Variants in NPY observed in about 807,000 individuals in gnomAD.
NPY encodes the protein pro-neuropeptide Y.
Under a neutral mutation model 13.2 loss-of-function variants are expected in NPY, and 11 were observed. The ratio of observed to expected loss-of-function variants is 0.83; its 90% CI spans 0.52 to 1.38. The LOEUF (loss-of-function observed/expected upper bound fraction) is 1.38, where lower values mean the gene tolerates loss of function less well. Ranked by LOEUF, NPY falls within the 40% of genes most tolerant of loss-of-function variation. NPY has a pLI of 0.00. For synonymous variants in NPY, 51 were observed against 55.6 expected (o/e 0.92, Z 0.37); for missense variants, 109 against 125.1 (o/e 0.87, Z 0.61).
At chr7:24,290,636 G>T (rs144944553) in intron 3 of NPY, among the ~76,000 whole-genome samples, 42 of 151,970 alleles carry the variant, frequency 2.8e-4, no homozygotes, top group African/African-American at 1.0e-3. Context: ...TCTCTAAAGG[G>T]AACAACGATT....
chr7:24,289,520 A>G lies in NPY; in HGVS notation c.210A>G (p.Pro70=). Residue 70 remains proline (P), a synonymous_variant, in exon 3 of 4, where the codon CCA becomes CCG. Transcript: ENST00000242152. The stretch of plus-strand genomic sequence containing the variant: ...CCAGATATGGAAAACGATCCAGCCC[A>G]GAGACACTGATTTCAGACCTCTTGA... ...TRQRYGKRSS[P]ETLISDLLMR... is the part of the protein sequence containing the mutation. 1.2e-6 allele frequency: 2 copies of G among 1,610,184 alleles called. No individual in the cohort carries two copies. The highest frequency in any genetic ancestry group is 1.7e-6 in the Non-Finnish European group (2 of 1,178,064).
At chr7:24,286,710 T>C (rs1787396051) in intron 2 of NPY, among the ~76,000 whole-genome samples, 1 of 152,214 alleles carries the variant, frequency 6.6e-6, no homozygotes, top group South Asian at 2.1e-4. Flanking sequence ...TGTGATCCCT[T>C]GAAATCTGAT....
In NPY at chr7:24,285,449, G is replaced by A. The variant is rs774193967; in HGVS notation, c.188+21G>A. On this transcript the variant is annotated intron_variant, in intron 2 of 3. Coordinates refer to ENST00000242152, the MANE Select transcript of NPY (RefSeq NM_000905.4). The surrounding 1 kb of genome is among the most constrained non-coding windows in gnomAD (Gnocchi z 4.9). ...CAGAGGTGGGTGGGACCGCGGGACC[G>A]ATTCCGGGAGCGCCAGTGCCTGCAC... 2 of 1,602,828 alleles carry A rather than the reference G, an allele frequency of 1.2e-6. No individual in the cohort carries two copies. Among genetic ancestry groups the A allele is most frequent in the South Asian group, 1.1e-5 (1 of 90,288 alleles).
At chr7:24,288,673 A>G (rs1166065372) in intron 2 of NPY, among the ~76,000 whole-genome samples, 5 of 139,252 alleles carry the variant, frequency 3.6e-5, no homozygotes, top group Non-Finnish European at 7.6e-5. Context: ...TCTCACCCAT[A>G]TCCTGCTACA....
intron 3 of NPY, among the ~76,000 whole-genome samples, chr7:24,290,775 A>AATTATTATT (rs10693219): frequency 0.068 from 8,773 of 129,530 alleles, 364 homozygotes; most frequent in South Asian, 0.081. Context: ...TAATAATAAT[A>AATTATTATT]ATTATTATTA....
In NPY at chr7:24,285,054, G is replaced by A. The variant is rs2128231747; in HGVS notation, c.1-187G>A. The A allele has an allele frequency of 1.6e-6, 1 of 629,652 alleles. No homozygotes were observed. The highest frequency in any genetic ancestry group is 2.8e-6 in the Non-Finnish European group (1 of 361,132). 39.0% of individuals were successfully genotyped at this position (629,652 alleles called of 1,614,324 possible). ...TGGAGCAGAGGGGCAGGTCCCGACC[G>A]GACGGCGCCCGGAGCCCGCAAGGTG... On this transcript the variant is annotated intron_variant, in intron 1 of 3. Coordinates refer to ENST00000242152, the MANE Select transcript of NPY (RefSeq NM_000905.4). The surrounding 1 kb of genome is among the most constrained non-coding windows in gnomAD (Gnocchi z 4.9).
At chr7:24,290,190 G>A (rs1434862877) in intron 3 of NPY, among the ~76,000 whole-genome samples, 1 of 152,140 alleles carries the variant, frequency 6.6e-6, no homozygotes, top group Non-Finnish European at 1.5e-5. Context: ...TGCAGTTTGG[G>A]TCTGTCTTGG....
At chr7:24,289,332 GATA>G (rs1011804876) in intron 2 of NPY, among the ~76,000 whole-genome samples, 164 bp from the exon 3 acceptor site, 5 of 152,134 alleles carry the variant, frequency 3.3e-5, no homozygotes, top group Non-Finnish European at 4.4e-5. Flanking sequence ...TAATATTTAT[GATA>G]ATGTTTCGAT....
intron 2 of NPY, among the ~76,000 whole-genome samples, chr7:24,288,106 T>A (rs1787458165): frequency 6.6e-6 from 1 of 152,248 alleles, no homozygotes; most frequent in Non-Finnish European, 1.5e-5. Flanking sequence ...CAAATCCTCC[T>A]ATTTCAGATT....
intron 2 of NPY, among the ~76,000 whole-genome samples, chr7:24,286,872 T>C (rs1787406100): frequency 6.6e-6 from 1 of 152,206 alleles, no homozygotes; most frequent in South Asian, 2.1e-4. Flanking sequence ...GAAAAACCTT[T>C]GTTAGTTATT....
At chr7:24,287,557 G>A (rs879632530) in intron 2 of NPY, among the ~76,000 whole-genome samples, 12 of 150,520 alleles carry the variant, frequency 8.0e-5, no homozygotes, top group Non-Finnish European at 1.3e-4. Flanking sequence ...ATTCTAGAGT[G>A]TGGGTCTCCT....
chr7:24,290,453 C>G (rs1411439950), intron 3 of NPY, among the ~76,000 whole-genome samples: 1 of 152,122 alleles, frequency 6.6e-6, no homozygotes, highest in Non-Finnish European at 1.5e-5. Flanking sequence ...GAAGAGGTCA[C>G]TACAACACTT....
chr7:24,285,553 C>A lies in NPY; in HGVS notation c.188+125C>A. On this transcript the variant is annotated intron_variant, in intron 2 of 3. Transcript: ENST00000242152. This position sits in a 1 kb window ranked among gnomAD's most constrained non-coding sequence, Gnocchi z 4.9. ...TATCCCAGGGCAGGACAGTATCAGGCACTTAGTCAGCTCTAGGTAAATGTT... is the reference window on the plus strand; with the variant it reads ...TATCCCAGGGCAGGACAGTATCAGGAACTTAGTCAGCTCTAGGTAAATGTT... 2 of 964,380 alleles carry A rather than the reference C, an allele frequency of 2.1e-6. No individual in the cohort carries two copies. Among genetic ancestry groups the A allele is most frequent in the Non-Finnish European group, 3.0e-6 (2 of 656,200 alleles). The allele number at this position is 964,380 out of a possible 1,614,324, so 59.7% of individuals were successfully genotyped here. A position where few individuals can be genotyped will look rare whatever the true frequency, so the allele number is the denominator to read the frequency against.
chr7:24,285,440 C>T lies in NPY; in HGVS notation c.188+12C>T. 2 of 1,604,746 alleles carry T rather than the reference C, an allele frequency of 1.2e-6. No individual in the cohort carries two copies. Among genetic ancestry groups the T allele is most frequent in the Non-Finnish European group, 1.7e-6 (2 of 1,173,046 alleles). On this transcript the variant is annotated intron_variant, in intron 2 of 3. Coordinates refer to ENST00000242152, the MANE Select transcript of NPY (RefSeq NM_000905.4). The surrounding 1 kb of genome is among the most constrained non-coding windows in gnomAD (Gnocchi z 4.9). The stretch of plus-strand genomic sequence containing the variant: ...ATCACCAGGCAGAGGTGGGTGGGAC[C>T]GCGGGACCGATTCCGGGAGCGCCAG...
chr7:24,288,324 G>C (rs117198011), intron 2 of NPY, among the ~76,000 whole-genome samples: 2,279 of 152,326 alleles, frequency 0.015, 24 homozygotes, highest in Non-Finnish European at 0.023. Context: ...TGATGGGAGT[G>C]GGACAGGGAG....
At chr7:24,286,755 T>C (rs905291387) in intron 2 of NPY, among the ~76,000 whole-genome samples, 1 of 152,244 alleles carries the variant, frequency 6.6e-6, no homozygotes, top group Non-Finnish European at 1.5e-5. Flanking sequence ...ATATTTTATA[T>C]TCCATACTTC....
Position 24,285,921 on chromosome 7 carries a change from T to C in NPY, c.188+493T>C, listed in dbSNP as rs1416858701. ...GACTTTCCGGCCTGCCCAGGGCTAA[T>C]TGAATGACAGTATTTAGAAAAAGAC... is the stretch of plus-strand genomic sequence containing the variant. On this transcript the variant is annotated intron_variant, in intron 2 of 3. Coordinates refer to ENST00000242152, the MANE Select transcript of NPY (RefSeq NM_000905.4). The surrounding 1 kb of genome is among the most constrained non-coding windows in gnomAD (Gnocchi z 4.9). Among the ~76,000 whole-genome samples the C allele has an allele frequency of 3.3e-5, 5 of 152,234 alleles. No homozygotes were observed. The highest frequency in any genetic ancestry group is 6.5e-5 in the Admixed American group (1 of 15,286).
In NPY at chr7:24,285,713, T is replaced by C. The variant is rs148561682; in HGVS notation, c.188+285T>C. ...CCTCTCACTCACCTCTTATGGTTTG[T>C]TGTGGTTCTTACGGCAGTGGGGCCC... On this transcript the variant is annotated intron_variant, in intron 2 of 3. Coordinates refer to ENST00000242152, the MANE Select transcript of NPY (RefSeq NM_000905.4). This position sits in a 1 kb window ranked among gnomAD's most constrained non-coding sequence, Gnocchi z 4.9. 8.5e-4 allele frequency among the ~76,000 whole-genome samples: 129 copies of C among 152,190 alleles called. No homozygotes were observed. The highest frequency in any genetic ancestry group is 2.9e-3 in the African/African-American group (120 of 41,528).
At position 24,285,260 on chromosome 7, in the gene NPY, T is replaced by C. The variant is rs16139; in HGVS notation, c.20T>C (p.Leu7Pro). Residue 7 changes from leucine (L) to proline (P), a missense_variant, in exon 2 of 4, where the codon CTG (leucine) becomes CCG (proline). Transcript: ENST00000242152. This position sits in a 1 kb window ranked among gnomAD's most constrained non-coding sequence, Gnocchi z 4.9. ...CTGCAGATGCTAGGTAACAAGCGAC[T>C]GGGGCTGTCCGGACTGACCCTCGCC... MLGNKR[L>P]GLSGLTLALS... The C allele has an allele frequency of 0.033, 53,526 of 1,614,018 alleles. 1,045 individuals carry two copies. The highest frequency in any genetic ancestry group is 0.036 in the Non-Finnish European group (42,368 of 1,179,954).
Sources: allele counts gnomAD v4.1 joint callset (sites outside exome capture counted in the v4.1 genomes callset), GRCh38; gene constraint gnomAD v4.1.1; non-coding constraint Gnocchi (gnomAD v3.1); transcripts MANE v1.5; gene names NCBI Gene and HGNC (gene_info 2026-07-23, HGNC 2026-07-21).